SRFBP1: variants seen among roughly 807,000 people sequenced by gnomAD.
SRFBP1 encodes the protein serum response factor binding protein 1.
SRFBP1 carries 47 observed loss-of-function variants against 45.5 expected under a neutral mutation model. The ratio of observed to expected loss-of-function variants is 1.03; its 90% CI spans 0.82 to 1.32. The LOEUF (loss-of-function observed/expected upper bound fraction) is 1.32. SRFBP1 is among the 40% of genes most tolerant of loss of function. SRFBP1 has a pLI of 0.00. For synonymous variants in SRFBP1, 203 were observed against 166.3 expected (o/e 1.22, Z -1.70); for missense variants, 621 against 484.6 (o/e 1.28, Z -2.64).
intron 4 of SRFBP1, among the ~76,000 whole-genome samples, chr5:122,013,749 G>T (rs912950173): frequency 6.6e-6 from 1 of 152,124 alleles, no homozygotes; most frequent in Non-Finnish European, 1.5e-5. Flanking sequence ...CTAACATTCT[G>T]CATGGGAAAA....
At chr5:122,071,955 A>G (rs1754464250) in intron 2 of SRFBP1, among the ~76,000 whole-genome samples, 1 of 152,182 alleles carries the variant, frequency 6.6e-6, no homozygotes, top group African/African-American at 2.4e-5. Flanking sequence ...TGTTGTTATT[A>G]TCTAGATTCC....
chr5:121,976,766 GCATACA>G (rs541474843), intron 3 of SRFBP1, among the ~76,000 whole-genome samples: 2 of 150,160 alleles, frequency 1.3e-5, no homozygotes, highest in Non-Finnish European at 3.0e-5. Context: ...ATATATATGT[GCATACA>G]CATACACATA....
At chr5:122,007,645 T>C (rs1753006029) in intron 4 of SRFBP1, among the ~76,000 whole-genome samples, 1 of 151,296 alleles carries the variant, frequency 6.6e-6, no homozygotes, top group Non-Finnish European at 1.5e-5. Flanking sequence ...GGAGCGGTCC[T>C]GCACCCTGGG....
At chr5:122,042,794 G>A (rs1228790804) in intron 2 of SRFBP1, among the ~76,000 whole-genome samples, 2 of 151,748 alleles carry the variant, frequency 1.3e-5, no homozygotes, top group Non-Finnish European at 2.9e-5. Flanking sequence ...CTGTTTTCTC[G>A]ATTTTCCTTC....
At chr5:122,001,544 A>ATTT (rs1401920985) in intron 4 of SRFBP1, among the ~76,000 whole-genome samples, 5 of 125,084 alleles carry the variant, frequency 4.0e-5, no homozygotes, top group African/African-American at 1.2e-4. Context: ...ATCCTTTGGT[A>ATTT]TCTTTTTTTT....
intron 3 of SRFBP1, among the ~76,000 whole-genome samples, chr5:121,982,348 A>G (rs1396430511): frequency 6.6e-6 from 1 of 151,930 alleles, no homozygotes; most frequent in Non-Finnish European, 1.5e-5. Flanking sequence ...GCATTTAGTA[A>G]CAGATCATCA....
At position 122,019,064 on chromosome 5, in the gene SRFBP1, G is replaced by A. The variant is rs900445170; in HGVS notation, c.271-196G>A. Among the ~76,000 whole-genome samples, 3 of 152,104 alleles carry A rather than the reference G, an allele frequency of 2.0e-5. No individual in the cohort carries two copies. The East Asian group carries it at 5.8e-4, about 29-fold the overall frequency. The stretch of plus-strand genomic sequence containing the variant: ...AAGTGATAATTTTAGTTGTTCAAAG[G>A]CAGTAATATTTTTGTCAGGATGATC... On this transcript the variant is annotated intron_variant, in intron 4 of 7. Transcript: ENST00000339397.
intron 2 of SRFBP1, chr5:122,074,013 C>CTG: frequency 6.2e-7 from 1 of 1,611,814 alleles, no homozygotes; most frequent in Non-Finnish European, 8.5e-7. Flanking sequence ...GCCAACATAC[C>CTG]TGTGTGTGTG....
intron 2 of SRFBP1, among the ~76,000 whole-genome samples, chr5:122,041,684 C>T (rs1008458922): frequency 5.3e-5 from 8 of 152,044 alleles, no homozygotes; most frequent in African/African-American, 1.9e-4. Flanking sequence ...CCTTACAAAA[C>T]TCTCATTATT....
rs150217740 is a variant in SRFBP1 at position 121,990,468 on chromosome 5, G to A, written c.199-4131G>A. 3.9e-4 allele frequency among the ~76,000 whole-genome samples: 59 copies of A among 152,114 alleles called. 1 individual carries two copies. In the East Asian group the frequency reaches 0.01, roughly 27 times the overall value. ...AAGTCTGGGTTAAAAAATTCCAATG[G>A]GGTACTATCCTCACTATCAGCATGA... On this transcript the variant is annotated intron_variant, in intron 3 of 7. Transcript: ENST00000339397.
At chr5:122,004,239 C>A (rs77493703) in intron 4 of SRFBP1, among the ~76,000 whole-genome samples, 6,749 of 152,250 alleles carry the variant, frequency 0.044, 175 homozygotes, top group African/African-American at 0.06. Context: ...TTATGTTTTC[C>A]TCTAGCAGTT....
At chr5:122,071,395 C>A (rs948246499) in intron 2 of SRFBP1, among the ~76,000 whole-genome samples, 26 of 152,088 alleles carry the variant, frequency 1.7e-4, no homozygotes, top group Admixed American at 6.5e-5. Flanking sequence ...TTAACTACCC[C>A]ACTATACTCT....
At chr5:122,026,638 T>G (rs1753486665) in intron 7 of SRFBP1, among the ~76,000 whole-genome samples, 1 of 152,220 alleles carries the variant, frequency 6.6e-6, no homozygotes, top group South Asian at 2.1e-4. Context: ...CCTTCCATGC[T>G]AGTACAACAG....
At chr5:122,076,336 A>T (rs2152590657), downstream of SRFBP1, among the ~76,000 whole-genome samples, 1 of 152,316 alleles carries the variant, frequency 6.6e-6, no homozygotes, top group South Asian at 2.1e-4. Context: ...AAACCCAGAG[A>T]ACCCCAATCC....
At chr5:121,996,068 G>A (rs1339997804) in intron 4 of SRFBP1, among the ~76,000 whole-genome samples, 95 of 150,408 alleles carry the variant, frequency 6.3e-4, no homozygotes, top group Non-Finnish European at 2.7e-4. Flanking sequence ...ACTCACAGCC[G>A]AATTCTACCA....
At chr5:122,077,042 C>T, downstream of SRFBP1, 1 of 1,605,602 alleles carries the variant, frequency 6.2e-7, no homozygotes. The surrounding 1 kb of genome is among the most constrained non-coding windows in gnomAD (Gnocchi z 4.9). Flanking sequence ...TGAAACAACC[C>T]GGCGCCCCCC....
chr5:122,044,900 T>TA (rs1753831470), intron 2 of SRFBP1, among the ~76,000 whole-genome samples: 2 of 152,206 alleles, frequency 1.3e-5, no homozygotes, highest in African/African-American at 4.8e-5. Flanking sequence ...TTCTTGCAAT[T>TA]ACTTTCAGTA....
intron 3 of SRFBP1, among the ~76,000 whole-genome samples, chr5:121,982,707 A>G (rs1201597741): frequency 1.3e-5 from 2 of 151,854 alleles, no homozygotes; most frequent in African/African-American, 4.8e-5. Flanking sequence ...TAAATAAGGA[A>G]CTGATTCTAA....
intron 2 of SRFBP1, among the ~76,000 whole-genome samples, chr5:122,045,529 G>A (rs189529013): frequency 1.7e-4 from 26 of 152,090 alleles, no homozygotes; most frequent in Non-Finnish European, 2.6e-4. Context: ...CTCTGATTTC[G>A]TTGAGAAATG....
Sources: allele counts gnomAD v4.1 joint callset (sites outside exome capture counted in the v4.1 genomes callset), GRCh38; gene constraint gnomAD v4.1.1; non-coding constraint Gnocchi (gnomAD v3.1); transcripts MANE v1.5; gene names NCBI Gene and HGNC (gene_info 2026-07-23, HGNC 2026-07-21).